The following RNF126 variants were observed in gnomAD, a reference collection of about 807,000 sequenced individuals.
RNF126 encodes the protein E3 ubiquitin-protein ligase RNF126.
Under a neutral mutation model 41.9 loss-of-function variants are expected in RNF126, and 20 were observed. That is an observed-to-expected ratio of 0.48 (90% CI 0.34 to 0.69). The LOEUF is 0.69. Ranked by LOEUF, RNF126 falls within the 30% of genes least tolerant of loss-of-function variation. The pLI is 0.01. For missense variants in RNF126, 433 were observed against 460.6 expected (o/e 0.94, Z 0.55); for synonymous variants, 239 against 202.9 (o/e 1.18, Z -1.51).
At chr19:658,169 G>A (rs939577422) in intron 1 of RNF126, among the ~76,000 whole-genome samples, 2 of 152,148 alleles carry the variant, frequency 1.3e-5, no homozygotes, top group African/African-American at 2.4e-5. Flanking sequence ...GCCAGGGTAG[G>A]GGGGACCCTG....
chr19:651,598 G>A lies in RNF126; in HGVS notation c.443+13C>T, dbSNP rs777755807. The A allele has an allele frequency of 9.4e-4, 1,316 of 1,406,128 alleles. No individual in the cohort carries two copies. The highest frequency in any genetic ancestry group is 1.1e-3 in the Non-Finnish European group (1,223 of 1,084,992). 87.1% of individuals were successfully genotyped at this position (1,406,128 alleles called of 1,614,324 possible). A position where few individuals can be genotyped will look rare whatever the true frequency, so the allele number is the denominator to read the frequency against. On this transcript the variant is annotated intron_variant, in intron 4 of 8. Transcript: ENST00000292363. ...GCGTGGGGCCCTCGCGGCCACCCCCGGGGCCCCCTCACCCTTCCAGCGTGG... is the reference window on the plus strand; with the variant it reads ...GCGTGGGGCCCTCGCGGCCACCCCCAGGGCCCCCTCACCCTTCCAGCGTGG...
At chr19:653,034 G>A (rs549085480) in intron 1 of RNF126, 150 bp from the exon 2 acceptor site, 19 of 688,472 alleles carry the variant, frequency 2.8e-5, no homozygotes, top group Non-Finnish European at 4.5e-5. Flanking sequence ...GTGGGTCCTG[G>A]AGGGCGGCCG....
At chr19:654,993 CAAAA>C (rs1259296094) in intron 1 of RNF126, among the ~76,000 whole-genome samples, 4 of 149,966 alleles carry the variant, frequency 2.7e-5, no homozygotes, top group Non-Finnish European at 3.0e-5. Flanking sequence ...GCTTACAACT[CAAAA>C]GAAAGAAAGA....
intron 1 of RNF126, among the ~76,000 whole-genome samples, chr19:657,045 AACAGCTGC>A (rs1384662381): frequency 1.3e-5 from 2 of 152,182 alleles, no homozygotes; most frequent in African/African-American, 4.8e-5. Flanking sequence ...GTGGACCTGG[AACAGCTGC>A]ACTGGCCCCC....
intron 1 of RNF126, among the ~76,000 whole-genome samples, chr19:654,106 C>T (rs1001261974): frequency 7.9e-5 from 12 of 152,184 alleles, no homozygotes; most frequent in Admixed American, 4.6e-4. Context: ...AGGGGAGGGC[C>T]GACAGCTGGG....
At chr19:662,523 G>C (rs549588981) in intron 1 of RNF126, among the ~76,000 whole-genome samples, 2 of 152,142 alleles carry the variant, frequency 1.3e-5, no homozygotes, top group Non-Finnish European at 2.9e-5. Flanking sequence ...GCGGCGGCCA[G>C]GGCTCCACGA....
rs530999119 is a variant in RNF126 at position 647,641 on chromosome 19, C to T, written c.*487G>A. On this transcript the variant is annotated 3_prime_UTR_variant, in exon 9 of 9. Coordinates refer to ENST00000292363, the MANE Select transcript of RNF126 (RefSeq NM_194460.3). ...ATTTTGCTGGTCATCCTCATGGTCCCGAGCCCCCCTACTCCGGGTCGTGGA... is the reference window on the plus strand; with the variant it reads ...ATTTTGCTGGTCATCCTCATGGTCCTGAGCCCCCCTACTCCGGGTCGTGGA... 183 of 178,234 alleles carry T rather than the reference C, an allele frequency of 1.0e-3. No individual in the cohort carries two copies. Among genetic ancestry groups the T allele is most frequent in the South Asian group, 5.4e-3 (55 of 10,198 alleles). 11.0% of individuals were successfully genotyped at this position (178,234 alleles called of 1,614,324 possible).
chr19:660,044 C>T (rs550600338), intron 1 of RNF126, among the ~76,000 whole-genome samples: 2 of 152,244 alleles, frequency 1.3e-5, no homozygotes, highest in Admixed American at 1.3e-4. Flanking sequence ...GGACCACAGG[C>T]GTGAGCCACC....
intron 4 of RNF126, chr19:650,584 C>CTTTTTTTTTTTTTTTTTT (rs34495183): frequency 1.4e-5 from 1 of 72,214 alleles, no homozygotes; most frequent in African/African-American, 5.6e-5. Context: ...CTCTCGGCTA[C>CTTTTTTTTTTTTTTTTTT]TTTTTTTTTT....
chr19:648,122 G>A lies in RNF126; in HGVS notation c.*6C>T, dbSNP rs747910372. On this transcript the variant is annotated 3_prime_UTR_variant, in exon 9 of 9. Coordinates refer to ENST00000292363, the MANE Select transcript of RNF126 (RefSeq NM_194460.3). Reference sequence around the variant, plus strand: ...GCCCCGTGCTTTCCCGACGGCCGACGTGGGCTCACGAGTTGCTTGTGGCGT... The same window carrying A: ...GCCCCGTGCTTTCCCGACGGCCGACATGGGCTCACGAGTTGCTTGTGGCGT... 1.7e-5 allele frequency: 26 copies of A among 1,570,842 alleles called. No homozygotes were observed. Among genetic ancestry groups the A allele is most frequent in the African/African-American group, 2.7e-5 (2 of 74,314 alleles).
chr19:652,010 C>T (rs1330263660), intron 3 of RNF126, 155 bp from the exon 4 acceptor site: 2 of 733,430 alleles, frequency 2.7e-6, no homozygotes, highest in Non-Finnish European at 4.3e-6. Context: ...TGGGCAGAGC[C>T]TGCCCCGCTG....
In RNF126 at chr19:648,016, C is replaced by G. The variant is rs926961193; in HGVS notation, c.*112G>C. 3 of 1,280,296 alleles carry G rather than the reference C, an allele frequency of 2.3e-6. No homozygotes were observed. The highest frequency in any genetic ancestry group is 3.1e-6 in the Non-Finnish European group (3 of 954,992). 79.3% of individuals were successfully genotyped at this position (1,280,296 alleles called of 1,614,324 possible). A position where few individuals can be genotyped will look rare whatever the true frequency, so the allele number is the denominator to read the frequency against. On this transcript the variant is annotated 3_prime_UTR_variant, in exon 9 of 9. Transcript: ENST00000292363. ...GCCCTGGAACAGGCGGGACCTGCAGCGCTGACCAGCCAAGCGTGGCGCCGC... is the reference window on the plus strand; with the variant it reads ...GCCCTGGAACAGGCGGGACCTGCAGGGCTGACCAGCCAAGCGTGGCGCCGC...
chr19:656,645 CAGAAAA>C (rs921513739), intron 1 of RNF126, among the ~76,000 whole-genome samples: 16 of 151,940 alleles, frequency 1.1e-4, no homozygotes, highest in East Asian at 1.9e-4. Context: ...GAGACCGTGT[CAGAAAA>C]AGAAAAAGAA....
intron 2 of RNF126, chr19:652,561 G>A: frequency 5.0e-6 from 3 of 603,412 alleles, no homozygotes; most frequent in Non-Finnish European, 8.8e-6. Context: ...CTTCCCCGGA[G>A]GGCCTGGGTC....
intron 2 of RNF126, 190 bp from the exon 3 acceptor site, chr19:652,486 G>A (rs1021819069): frequency 3.7e-5 from 23 of 615,530 alleles, no homozygotes; most frequent in Middle Eastern, 4.0e-4. Flanking sequence ...CGGGTTTCTC[G>A]ATAAACCGGT....
intron 1 of RNF126, among the ~76,000 whole-genome samples, chr19:656,808 C>G (rs568030481): frequency 6.6e-6 from 1 of 152,282 alleles, no homozygotes; most frequent in South Asian, 2.1e-4. Flanking sequence ...GGGATTGGGA[C>G]GCCCCACGTA....
intron 7 of RNF126, 120 bp from the exon 8 acceptor site, chr19:648,607 C>A (rs980488436): frequency 3.1e-5 from 25 of 798,534 alleles, no homozygotes; most frequent in South Asian, 2.9e-4. Flanking sequence ...GGAGAAAAGC[C>A]GTGTGTGTGT....
At chr19:654,250 G>C (rs989890694) in intron 1 of RNF126, among the ~76,000 whole-genome samples, 1 of 152,220 alleles carries the variant, frequency 6.6e-6, no homozygotes, top group Admixed American at 6.5e-5. Flanking sequence ...GGAGAGTGAA[G>C]AGGCACCATC....
intron 4 of RNF126, 119 bp from the exon 5 acceptor site, chr19:650,415 T>C: frequency 1.3e-6 from 1 of 797,576 alleles, no homozygotes; most frequent in Non-Finnish European, 2.0e-6. Flanking sequence ...TAGATTAGCT[T>C]CTATTTATTT....
Sources: allele counts gnomAD v4.1 joint callset (sites outside exome capture counted in the v4.1 genomes callset), GRCh38; gene constraint gnomAD v4.1.1; transcripts MANE v1.5; gene names NCBI Gene and HGNC (gene_info 2026-07-23, HGNC 2026-07-21).